SLC18A1: variants seen among roughly 807,000 people sequenced by gnomAD.
The protein encoded by SLC18A1 is solute carrier family 18 member A1.
In SLC18A1, 69 loss-of-function variants were observed where a neutral mutation model predicts 53.7. The ratio of observed to expected loss-of-function variants is 1.28; its 90% CI spans 1.06 to 1.57. The LOEUF (loss-of-function observed/expected upper bound fraction) is 1.57, where lower values mean the gene tolerates loss of function less well. Ranked by LOEUF, SLC18A1 falls within the 40% of genes most tolerant of loss-of-function variation. The pLI is 0.00. For synonymous variants in SLC18A1, 320 were observed against 248.1 expected, an observed-to-expected ratio of 1.29 and a Z score of -2.72; for missense variants, 932 against 668.1, an observed-to-expected ratio of 1.40 and a Z score of -4.35.
rs182440965 is a variant in SLC18A1 at position 20,149,280 on chromosome 8, G to T, written c.1146+396C>A. Among the ~76,000 whole-genome samples the T allele has an allele frequency of 3.9e-5, 6 of 152,234 alleles. No homozygotes were observed. In the East Asian group the frequency reaches 1.2e-3, roughly 29 times the overall value. ...CCTGGGGATTTATGAGGCTCTGTCAGGGTGGGATGAGTAAATGAAGTCATA... is the reference window on the plus strand; with the variant it reads ...CCTGGGGATTTATGAGGCTCTGTCATGGTGGGATGAGTAAATGAAGTCATA... On this transcript the variant is annotated intron_variant, in intron 12 of 15. Coordinates refer to ENST00000276373, the MANE Select transcript of SLC18A1 (RefSeq NM_003053.4).
At chr8:20,178,120 T>TAACACACACA (rs1285059547) in intron 4 of SLC18A1, among the ~76,000 whole-genome samples, 2 of 62,076 alleles carry the variant, frequency 3.2e-5, no homozygotes, top group African/African-American at 1.0e-4. Flanking sequence ...CTGATGCATA[T>TAACACACACA]AACACACACA....
In SLC18A1 at chr8:20,176,371, C is replaced by T. The variant is rs189253610; in HGVS notation, c.548-1927G>A. Among the ~76,000 whole-genome samples, 976 of 152,276 alleles carry T rather than the reference C, an allele frequency of 6.4e-3. 14 individuals are homozygous for T. Among genetic ancestry groups the T allele is most frequent in the African/African-American group, 0.022 (916 of 41,560 alleles). ...ACCAGAAGCAGATGCTGGTGTCATG[C>T]TTCTTGTAGAGCCTGCAGAACCATG... On this transcript the variant is annotated intron_variant, in intron 4 of 15. Transcript: ENST00000276373.
At chr8:20,174,534 A>C in intron 4 of SLC18A1, 90 bp from the exon 5 acceptor site, 1 of 768,142 alleles carries the variant, frequency 1.3e-6, no homozygotes. Flanking sequence ...TACTGCAGAT[A>C]TGAGTCTTGA....
rs1479820411 is a variant in SLC18A1, at chr8:20,157,169, G to A, written c.1016-6425C>T. Among the ~76,000 whole-genome samples, 13 of 152,262 alleles carry A rather than the reference G, an allele frequency of 8.5e-5. No individual in the cohort carries two copies. The East Asian group carries it at 2.3e-3, about 27-fold the overall frequency. ...TAATGCTCATCGGAAAATGACTAGG[G>A]GTGCTGGCATCCTCATGTTCTTTTT... is the stretch of plus-strand genomic sequence containing the variant. On this transcript the variant is annotated intron_variant, in intron 10 of 15. Coordinates refer to ENST00000276373, the MANE Select transcript of SLC18A1 (RefSeq NM_003053.4).
rs746297635 is a variant in SLC18A1, at chr8:20,145,757, C to G, written c.*6G>C. 5.7e-6 allele frequency: 9 copies of G among 1,577,038 alleles called. No homozygotes were observed. The South Asian group carries it at 1.0e-4, about 18-fold the overall frequency. ...GCATCATGAATTCAAGGAGCACCTT[C>G]TGCTGCTACTCCTCATGGTCAGGCT... On this transcript the variant is annotated 3_prime_UTR_variant, in exon 16 of 16. Transcript: ENST00000276373.
intron 10 of SLC18A1, among the ~76,000 whole-genome samples, chr8:20,163,929 T>G (rs769793723): frequency 6.6e-6 from 1 of 152,044 alleles, no homozygotes; most frequent in East Asian, 1.9e-4. Context: ...AGACCCTGAG[T>G]GGTCAGAGCC....
chr8:20,162,953 A>G (rs998457167), intron 10 of SLC18A1, among the ~76,000 whole-genome samples: 1 of 152,200 alleles, frequency 6.6e-6, no homozygotes, highest in Non-Finnish European at 1.5e-5. Flanking sequence ...TATTTGTTAT[A>G]GCAGCAGCCC....
At chr8:20,161,345 T>A (rs1400485705) in intron 10 of SLC18A1, among the ~76,000 whole-genome samples, 9 of 151,964 alleles carry the variant, frequency 5.9e-5, no homozygotes, top group Admixed American at 5.9e-4. Flanking sequence ...ATCAAAAATA[T>A]ATGAGGAAAA....
rs1413393763 is a variant in SLC18A1, at chr8:20,164,521, A to G, written c.1015+348T>C. 2.0e-5 allele frequency among the ~76,000 whole-genome samples: 3 copies of G among 152,160 alleles called. No individual in the cohort carries two copies. In the East Asian group the frequency reaches 5.8e-4, roughly 29 times the overall value. The stretch of plus-strand genomic sequence containing the variant: ...TAGTATTTTGATGCTCATTTTAGCA[A>G]TGAGAAAAGTGATGCTCAGAGGGTT... On this transcript the variant is annotated intron_variant, in intron 10 of 15. Transcript: ENST00000276373.
intron 8 of SLC18A1, among the ~76,000 whole-genome samples, chr8:20,168,133 T>G (rs1404480971): frequency 6.6e-6 from 1 of 152,138 alleles, no homozygotes; most frequent in Non-Finnish European, 1.5e-5. Context: ...TAGGACAATT[T>G]GAGCATCAAA....
chr8:20,150,964 T>A (rs1273766880), intron 10 of SLC18A1: 1 of 533,654 alleles, frequency 1.9e-6, no homozygotes, highest in African/African-American at 1.9e-5. Context: ...CCTCAGTACT[T>A]TTCTTTTTGT....
intron 10 of SLC18A1, among the ~76,000 whole-genome samples, chr8:20,158,415 G>A (rs1228721895): frequency 1.3e-5 from 2 of 152,158 alleles, no homozygotes; most frequent in African/African-American, 4.8e-5. Context: ...TGAACATACA[G>A]AAGGAACACC....
At chr8:20,182,834 G>A (rs79358029) in intron 1 of SLC18A1, among the ~76,000 whole-genome samples, 6,941 of 152,304 alleles carry the variant, frequency 0.046, 216 homozygotes, top group Non-Finnish European at 0.068. Flanking sequence ...CTTAGGATAT[G>A]TATGGATAAG....
intron 2 of SLC18A1, 38 bp from the exon 3 acceptor site, chr8:20,179,522 C>G (rs535730393): frequency 6.4e-7 from 1 of 1,570,060 alleles, no homozygotes; most frequent in South Asian, 1.2e-5. Flanking sequence ...GGGCTAAGGA[C>G]CGATGTCATC....
chr8:20,169,298 C>T (rs1378050235), intron 8 of SLC18A1, among the ~76,000 whole-genome samples: 1 of 152,130 alleles, frequency 6.6e-6, no homozygotes, highest in Admixed American at 6.5e-5. Flanking sequence ...GCATAAATGT[C>T]TTACACAGTC....
rs769031546 is a variant in SLC18A1 at position 20,171,491 on chromosome 8, C to A, written c.728G>T (p.Gly243Val). 1 of 1,613,450 alleles carries A rather than the reference C, an allele frequency of 6.2e-7. No homozygotes were observed. The highest frequency in any genetic ancestry group is 1.1e-5 in the South Asian group (1 of 91,064). The change falls in exon 7 of 16, where the codon GGA (glycine) becomes GTA (valine). Residue 243 changes from glycine (G) to valine (V), a missense_variant. By Grantham distance (109) the Gly-to-Val change is moderately radical. Transcript: ENST00000276373. ...GTACATTACACTTCCAAAGGGAGCT[C>A]CCACTGGAGAGGCATAGGAGACACA... ...LGGLALGLLV[G>V]APFGSVMYEF...
chr8:20,171,198 G>T (rs764676467), intron 7 of SLC18A1, 52 bp from the exon 8 acceptor site: 1 of 1,585,690 alleles, frequency 6.3e-7, no homozygotes, highest in African/African-American at 1.3e-5. Context: ...ATTAGCTGGG[G>T]GCTCCAATAA....
At chr8:20,172,398 G>T (rs73214045) in intron 6 of SLC18A1, among the ~76,000 whole-genome samples, 42,270 of 152,176 alleles carry the variant, frequency 0.28, 6,904 homozygotes, top group Non-Finnish European at 0.37. Flanking sequence ...CGATGAGCTT[G>T]TAAGCTCCTA....
chr8:20,172,949 G>A (rs2072160199), intron 6 of SLC18A1, 87 bp downstream of exon 6: 3 of 939,214 alleles, frequency 3.2e-6, no homozygotes, highest in Admixed American at 4.1e-5. Flanking sequence ...ACAAGGGAAG[G>A]AAAATACTCG....
Sources: gnomAD v4.1 joint callset for allele counts (sites outside exome capture counted in the v4.1 genomes callset) on GRCh38, gnomAD v4.1.1 for gene constraint, MANE v1.5 for transcripts, NCBI Gene and HGNC (gene_info 2026-07-23, HGNC 2026-07-21) for gene names.